Variants in MYLK observed in about 807,000 individuals in gnomAD.
MYLK encodes myosin light chain kinase, smooth muscle.
MYLK carries 106 observed loss-of-function variants against 203.4 expected under a neutral mutation model. The ratio of observed to expected loss-of-function variants is 0.52; its 90% confidence interval spans 0.45 to 0.61. The LOEUF is 0.61. MYLK is among the 20% of genes least tolerant of loss of function. MYLK has a pLI of 0.00. For missense variants in MYLK, 2,072 were observed against 2,442.3 expected (o/e 0.85, Z 3.20); for synonymous variants, 867 against 959.5 (o/e 0.90, Z 1.78).
At chr3:123,696,771 C>T (rs1306418632) in intron 18 of MYLK, among the ~76,000 whole-genome samples, 1 of 152,210 alleles carries the variant, frequency 6.6e-6, no homozygotes, top group East Asian at 1.9e-4. Flanking sequence ...CTTTTGGGCA[C>T]AGAGTCCACC....
chr3:123,862,921 T>G (rs1449056458), intron 2 of MYLK, among the ~76,000 whole-genome samples: 5 of 152,106 alleles, frequency 3.3e-5, no homozygotes, highest in Non-Finnish European at 7.4e-5. Context: ...CTTCCTGAAT[T>G]CCCTACCAGG....
intron 11 of MYLK, 103 bp downstream of exon 11, chr3:123,732,793 C>G (rs2062526842): frequency 2.6e-6 from 3 of 1,170,652 alleles, no homozygotes; most frequent in Admixed American, 1.9e-5. Flanking sequence ...GGCTGTGCAC[C>G]AAGGCAGGGG....
At chr3:123,758,017 T>C (rs2063413175) in intron 4 of MYLK, among the ~76,000 whole-genome samples, 1 of 150,408 alleles carries the variant, frequency 6.6e-6, no homozygotes, top group Non-Finnish European at 1.5e-5. Context: ...TCTCCAAGTA[T>C]AAGCTCACTC....
At chr3:123,711,697 T>G (rs1452479838) in intron 13 of MYLK, among the ~76,000 whole-genome samples, 1 of 152,190 alleles carries the variant, frequency 6.6e-6, no homozygotes, top group Non-Finnish European at 1.5e-5. Context: ...TTTGTTTTTG[T>G]TTTTGGCAGG....
rs560631094 is a variant in MYLK at position 123,629,037 on chromosome 3, G to A, written c.5114+437C>T. On this transcript the variant is annotated intron_variant, in intron 30 of 33. Coordinates refer to ENST00000360304, the MANE Select transcript of MYLK (RefSeq NM_053025.4). This position sits in a 1 kb window ranked among gnomAD's most constrained non-coding sequence, Gnocchi z 4.4. ...ATAATAATAATCTGGGGATATGATC[G>A]GGACCCACAGAGAAGTTCTAAGATG... 1.3e-5 allele frequency among the ~76,000 whole-genome samples: 2 copies of A among 152,250 alleles called. No homozygotes were observed. Among genetic ancestry groups the A allele is most frequent in the East Asian group, 3.9e-4 (2 of 5,190 alleles).
At chr3:123,875,049 A>G (rs1377314250) in intron 2 of MYLK, among the ~76,000 whole-genome samples, 1 of 152,234 alleles carries the variant, frequency 6.6e-6, no homozygotes, top group African/African-American at 2.4e-5. Flanking sequence ...AAAATGGTAC[A>G]GCCACTTTGG....
At chr3:123,645,688 C>G (rs2058993138) in intron 27 of MYLK, among the ~76,000 whole-genome samples, 1 of 152,184 alleles carries the variant, frequency 6.6e-6, no homozygotes, top group African/African-American at 2.4e-5. Context: ...ACAAACGATG[C>G]TTGTTTGTAA....
In MYLK at chr3:123,642,573, GAGA is replaced by G. The variant is rs936785516; in HGVS notation, c.4620-2072_4620-2070del. On this transcript the variant is annotated intron_variant, in intron 27 of 33. Transcript: ENST00000360304. The surrounding 1 kb of genome is among the most constrained non-coding windows in gnomAD (Gnocchi z 4.2). ...AGAACTCATACTTTAAAACCCATCT[GAGA>G]AGAAGGTCCCCAAATGGCCTGCAGG... Among the ~76,000 whole-genome samples, 15 of 152,174 alleles carry G rather than the reference GAGA, an allele frequency of 9.9e-5. No individual in the cohort carries two copies. Among genetic ancestry groups the G allele is most frequent in the Non-Finnish European group, 1.5e-4 (10 of 68,036 alleles).
At chr3:123,632,703 G>C (rs929145151) in intron 29 of MYLK, among the ~76,000 whole-genome samples, 3 of 152,134 alleles carry the variant, frequency 2.0e-5, no homozygotes, top group Non-Finnish European at 4.4e-5. Flanking sequence ...TGAATTTTCA[G>C]TAATGCTGTT....
intron 3 of MYLK, among the ~76,000 whole-genome samples, chr3:123,810,104 G>C (rs574818166): frequency 6.6e-6 from 1 of 152,102 alleles, no homozygotes; most frequent in Non-Finnish European, 1.5e-5. Flanking sequence ...TTACCTGTCC[G>C]CACACCCATC....
chr3:123,762,881 T>G (rs1365065745), intron 4 of MYLK, among the ~76,000 whole-genome samples: 1 of 152,192 alleles, frequency 6.6e-6, no homozygotes, highest in Non-Finnish European at 1.5e-5. Context: ...CTGTAAGAAA[T>G]GAATTCCTAT....
intron 23 of MYLK, among the ~76,000 whole-genome samples, chr3:123,658,446 C>T (rs978655986): frequency 6.6e-6 from 1 of 152,148 alleles, no homozygotes; most frequent in Non-Finnish European, 1.5e-5. Context: ...GCAAAACTCT[C>T]CTATTTTTCA....
At chr3:123,817,914 G>A (rs1257873777) in intron 3 of MYLK, among the ~76,000 whole-genome samples, 1 of 152,114 alleles carries the variant, frequency 6.6e-6, no homozygotes, top group Non-Finnish European at 1.5e-5. Flanking sequence ...GGCATGGCAG[G>A]GGAAGGAGTT....
chr3:123,732,975 G>A lies in MYLK; in HGVS notation c.1437C>T (p.Thr479=). ...TGCAGCTGTATGTCCCACTGTCCCT[G>A]GTCCGGGCTTTCAGCAGGCAGAGGT... The part of the protein sequence containing the change: ...SHYLCLLKAR[T]RDSGTYSCTA... The change falls in exon 11 of 34, where the codon ACC becomes ACT. Residue 479 remains threonine (T), a synonymous_variant. Coordinates refer to ENST00000360304, the MANE Select transcript of MYLK (RefSeq NM_053025.4). 7 of 1,614,218 alleles carry A rather than the reference G, an allele frequency of 4.3e-6. No individual in the cohort carries two copies. Among genetic ancestry groups the A allele is most frequent in the East Asian group, 2.2e-5 (1 of 44,880 alleles).
chr3:123,723,129 T>C (rs2062153322), intron 12 of MYLK, among the ~76,000 whole-genome samples: 1 of 152,134 alleles, frequency 6.6e-6, no homozygotes, highest in South Asian at 2.1e-4. Context: ...CCAGCTGCCA[T>C]ATAGGAAGCA....
At chr3:123,797,961 A>G (rs2065049894) in intron 3 of MYLK, among the ~76,000 whole-genome samples, 1 of 152,208 alleles carries the variant, frequency 6.6e-6, no homozygotes, top group African/African-American at 2.4e-5. Flanking sequence ...AGGGTCTATG[A>G]GTGAGATGAC....
intron 16 of MYLK, among the ~76,000 whole-genome samples, chr3:123,707,138 C>G (rs770200870): frequency 6.6e-6 from 1 of 152,198 alleles, no homozygotes; most frequent in Admixed American, 6.5e-5. Flanking sequence ...ACGGAGAGGT[C>G]CACAACGCAA....
chr3:123,880,888 C>T (rs1344779708), intron 1 of MYLK, among the ~76,000 whole-genome samples: 1 of 152,170 alleles, frequency 6.6e-6, no homozygotes, highest in Non-Finnish European at 1.5e-5. Flanking sequence ...AGCCCTCACA[C>T]ACCAGGTGCA....
In MYLK at chr3:123,700,928, C is replaced by A. The variant is rs1489034643; in HGVS notation, c.2540G>T (p.Gly847Val). 4 of 1,611,452 alleles carry A rather than the reference C, an allele frequency of 2.5e-6. No homozygotes were observed. In the African/African-American group the frequency reaches 4.0e-5, roughly 16 times the overall value. The part of the protein sequence containing the change: ...GADGGGSDRY[G>V]SLRPGWPARG... ...TGCTGGCCAGCCAGGCCTCAGGGACCCATAGCGGTCACTACCACCACCATC... is the reference window on the plus strand; with the variant it reads ...TGCTGGCCAGCCAGGCCTCAGGGACACATAGCGGTCACTACCACCACCATC... The change falls in exon 18 of 34, where the codon GGG (glycine) becomes GTG (valine). Residue 847 changes from glycine (G) to valine (V), a missense_variant. Gly to Val is a moderately radical substitution (Grantham distance 109). Transcript: ENST00000360304.
Sources: gnomAD v4.1 joint callset for allele counts (sites outside exome capture counted in the v4.1 genomes callset) on GRCh38, gnomAD v4.1.1 for gene constraint, Gnocchi (gnomAD v3.1) non-coding constraint, MANE v1.5 for transcripts, NCBI Gene and HGNC (gene_info 2026-07-23, HGNC 2026-07-21) for gene names.